Variants in MAST2 observed in about 807,000 individuals in gnomAD.
MAST2 encodes microtubule associated serine/threonine kinase 2, also known as microtubule-associated serine/threonine-protein kinase 2.
Under a neutral mutation model 147.4 loss-of-function variants are expected in MAST2, and 70 were observed. The observed-to-expected ratio is 0.47, with a 90% CI of 0.39 to 0.58. MAST2 has a LOEUF of 0.58. Ranked by LOEUF, MAST2 falls within the 20% of genes least tolerant of loss-of-function variation. MAST2 has a pLI of 0.00. For missense variants in MAST2, 2,080 were observed against 2,302.3 expected (o/e 0.90, Z 1.98); for synonymous variants, 869 against 896.8 (o/e 0.97, Z 0.55).
chr1:45,812,207 C>T (rs1160523562), intron 1 of MAST2, among the ~76,000 whole-genome samples: 1 of 152,142 alleles, frequency 6.6e-6, no homozygotes, highest in East Asian at 1.9e-4. Context: ...TTTATTTGAC[C>T]TCCTTTCCCT....
chr1:45,920,188 T>C (rs1394124567), intron 4 of MAST2, among the ~76,000 whole-genome samples: 1 of 152,202 alleles, frequency 6.6e-6, no homozygotes, highest in Non-Finnish European at 1.5e-5. Flanking sequence ...GGGTACCTGC[T>C]CATGTTCTTG....
Position 45,918,102 on chromosome 1 carries a change from G to A in MAST2, c.500+35707G>A, listed in dbSNP as rs775464424. On this transcript the variant is annotated intron_variant, in intron 4 of 28. Transcript: ENST00000361297. Reference sequence around the variant, plus strand: ...TGGAGAAAGAGAGACAAGTTAATGAGTAAATATGTAACATAACGGATAGAC... The same window carrying A: ...TGGAGAAAGAGAGACAAGTTAATGAATAAATATGTAACATAACGGATAGAC... 2.9e-4 allele frequency among the ~76,000 whole-genome samples: 44 copies of A among 152,190 alleles called. 1 individual carries two copies. Among genetic ancestry groups the A allele is most frequent in the Non-Finnish European group, 5.9e-5 (4 of 68,032 alleles).
At chr1:45,926,069 T>C (rs1654313938) in intron 4 of MAST2, among the ~76,000 whole-genome samples, 1 of 152,244 alleles carries the variant, frequency 6.6e-6, no homozygotes, top group Admixed American at 6.5e-5. Context: ...CTTGTCTTTT[T>C]TTAAACAACT....
intron 4 of MAST2, among the ~76,000 whole-genome samples, chr1:45,903,735 T>C (rs1250650410): frequency 6.6e-6 from 1 of 152,204 alleles, no homozygotes; most frequent in Non-Finnish European, 1.5e-5. Context: ...TTTTAGAGAA[T>C]GTTCTGTGTG....
intron 4 of MAST2, among the ~76,000 whole-genome samples, chr1:45,941,767 C>G (rs1439954682): frequency 6.6e-6 from 1 of 152,152 alleles, no homozygotes; most frequent in Non-Finnish European, 1.5e-5. Context: ...ACATACTTGC[C>G]TTGTTCCTCC....
intron 5 of MAST2, among the ~76,000 whole-genome samples, chr1:45,966,841 G>A (rs942169763): frequency 2.7e-5 from 4 of 147,944 alleles, no homozygotes; most frequent in Non-Finnish European, 4.5e-5. Flanking sequence ...ATTTGGTGGT[G>A]TCAGTGTGTG....
chr1:45,880,842 G>C (rs1646812388), intron 3 of MAST2, among the ~76,000 whole-genome samples: 1 of 151,656 alleles, frequency 6.6e-6, no homozygotes, highest in African/African-American at 2.4e-5. Context: ...AATTAGCTGG[G>C]CATGGTGGTG....
intron 4 of MAST2, among the ~76,000 whole-genome samples, chr1:45,946,411 T>G (rs1412309932): frequency 6.6e-6 from 1 of 152,202 alleles, no homozygotes. Flanking sequence ...GGCAGAAGAT[T>G]GTACTGGCTT....
rs943678259 is a variant in MAST2 at position 46,023,079 on chromosome 1, G to A, written c.1485+108G>A. 4.0e-6 allele frequency: 5 copies of A among 1,246,156 alleles called. No individual in the cohort carries two copies. In the African/African-American group the frequency reaches 7.4e-5, roughly 19 times the overall value. 77.2% of individuals were successfully genotyped at this position (1,246,156 alleles called of 1,614,324 possible). On this transcript the variant is annotated intron_variant, in intron 13 of 28. Transcript: ENST00000361297. This position sits in a 1 kb window ranked among gnomAD's most constrained non-coding sequence, Gnocchi z 4.9. ...CTGAGGAAGGGATGGGGGAGTTGGT[G>A]ACAGCAAACACTGAGAAGTCATTCT...
At chr1:45,855,392 A>C (rs1645755076) in intron 3 of MAST2, among the ~76,000 whole-genome samples, 1 of 151,652 alleles carries the variant, frequency 6.6e-6, no homozygotes. Flanking sequence ...GCATTTATGT[A>C]GATTTTTAAT....
chr1:45,952,088 A>G (rs1659009734), intron 4 of MAST2, among the ~76,000 whole-genome samples: 1 of 152,388 alleles, frequency 6.6e-6, no homozygotes, highest in Non-Finnish European at 1.5e-5. Flanking sequence ...ACTCAAGAAA[A>G]TTGAAAATAT....
intron 7 of MAST2, among the ~76,000 whole-genome samples, chr1:46,004,278 C>T (rs1289615060): frequency 6.7e-6 from 1 of 150,060 alleles, no homozygotes; most frequent in Non-Finnish European, 1.5e-5. Flanking sequence ...GCAGGAGAAT[C>T]GCTTGAACCC....
At chr1:45,827,670 A>G (rs1244642806) in intron 2 of MAST2, among the ~76,000 whole-genome samples, 1 of 144,350 alleles carries the variant, frequency 6.9e-6, no homozygotes, top group Non-Finnish European at 1.5e-5. Flanking sequence ...TTTTTTTTTT[A>G]TGGAGGGCTT....
intron 6 of MAST2, among the ~76,000 whole-genome samples, chr1:45,998,968 G>A (rs1385354629): frequency 4.6e-5 from 7 of 152,006 alleles, no homozygotes; most frequent in African/African-American, 1.2e-4. Context: ...TCCTGACCTC[G>A]TGATCCACCC....
At chr1:45,812,677 G>A (rs1570171970) in intron 1 of MAST2, among the ~76,000 whole-genome samples, 2 of 152,152 alleles carry the variant, frequency 1.3e-5, no homozygotes, top group Middle Eastern at 3.4e-3. Context: ...CGTCCACCTC[G>A]GCCTCCCAAA....
chr1:45,833,936 T>G (rs1645032196), intron 3 of MAST2, among the ~76,000 whole-genome samples: 1 of 151,976 alleles, frequency 6.6e-6, no homozygotes, highest in Non-Finnish European at 1.5e-5. Context: ...CTTCCCATTC[T>G]CCCGCCTAAA....
At chr1:45,824,330 C>A in intron 1 of MAST2, 103 bp from the exon 2 acceptor site, 1 of 802,706 alleles carries the variant, frequency 1.2e-6, no homozygotes, top group Non-Finnish European at 1.8e-6. Flanking sequence ...AATATTTTGG[C>A]ACTTTTAAAT....
At chr1:45,960,358 A>G (rs535219671) in intron 5 of MAST2, among the ~76,000 whole-genome samples, 3 of 152,118 alleles carry the variant, frequency 2.0e-5, no homozygotes, top group South Asian at 4.2e-4. Flanking sequence ...AAAATACACA[A>G]CTTAGCTGGA....
chr1:46,030,628 C>T lies in MAST2; in HGVS notation c.2575C>T (p.Leu859Phe), dbSNP rs760306259. 7 of 1,610,836 alleles carry T rather than the reference C, an allele frequency of 4.3e-6. No individual in the cohort carries two copies. The highest frequency in any genetic ancestry group is 5.1e-6 in the Non-Finnish European group (6 of 1,179,134). ...ACAGGTGTACAGCAGCATGGAGCGG[C>T]TCTCACTGCTCGAGGAGCGCCGGAC... ...FNKVYSSMERLSLLEERRTPP... is the reference protein window; with the variant it reads ...FNKVYSSMERFSLLEERRTPP... Residue 859 changes from leucine to phenylalanine, a missense_variant, in exon 22 of 29, where the codon CTC becomes TTC. Leu to Phe is a conservative substitution (Grantham distance 22, BLOSUM62 0). Coordinates refer to ENST00000361297, the MANE Select transcript of MAST2 (RefSeq NM_015112.3).
Sources: allele counts gnomAD v4.1 joint callset (sites outside exome capture counted in the v4.1 genomes callset), GRCh38; gene constraint gnomAD v4.1.1; non-coding constraint Gnocchi (gnomAD v3.1); transcripts MANE v1.5; gene names NCBI Gene and HGNC (gene_info 2026-07-23, HGNC 2026-07-21).